SHANK2: variants seen among roughly 807,000 people sequenced by gnomAD.
The protein encoded by SHANK2 is SH3 and multiple ankyrin repeat domains 2.
A neutral mutation model predicts 133.7 loss-of-function variants in SHANK2; 43 were observed. The observed-to-expected ratio is 0.32, with a 90% CI of 0.25 to 0.41. The LOEUF (loss-of-function observed/expected upper bound fraction) is 0.41, where lower values mean the gene tolerates loss of function less well. Among genes scored for constraint, SHANK2 ranks in the 10% least tolerant of loss-of-function variants. The pLI is 1.00. For missense variants in SHANK2, 1,994 were observed against 2,235.8 expected (o/e 0.89, Z 2.18); for synonymous variants, 1,017 against 952.8 (o/e 1.07, Z -1.24).
chr11:70,554,229 A>G (rs2059802574), intron 17 of SHANK2, among the ~76,000 whole-genome samples: 2 of 152,190 alleles, frequency 1.3e-5, no homozygotes, highest in African/African-American at 4.8e-5. Flanking sequence ...CCACTTCTAG[A>G]ACATTCCATT....
At chr11:70,787,931 CT>C (rs1381657059) in intron 14 of SHANK2, among the ~76,000 whole-genome samples, 4 of 152,220 alleles carry the variant, frequency 2.6e-5, no homozygotes, top group Admixed American at 2.6e-4. Context: ...GCATGCCCCC[CT>C]CCCAAGTTTA....
chr11:70,675,607 C>T (rs528422229), intron 15 of SHANK2, among the ~76,000 whole-genome samples: 11 of 152,304 alleles, frequency 7.2e-5, no homozygotes, highest in East Asian at 1.9e-4. Flanking sequence ...TCAGGGGAGG[C>T]GTTGGTCCTA....
intron 6 of SHANK2, among the ~76,000 whole-genome samples, chr11:71,108,031 T>C (rs1555098268): frequency 6.6e-6 from 1 of 152,228 alleles, no homozygotes; most frequent in Non-Finnish European, 1.5e-5. Context: ...TAAGTGGCTC[T>C]GCCAGGGTGG....
At position 70,599,476 on chromosome 11, in the gene SHANK2, G is replaced by A. The variant is rs1432976713; in HGVS notation, c.2061+60352C>T. ...CAGAAAATTAGCCGGGCGAGGTGGC[G>A]GGCGCCTGTAGTCCCAGCTACTCGG... is the stretch of plus-strand genomic sequence containing the variant. On this transcript the variant is annotated intron_variant, in intron 17 of 25. Transcript: ENST00000601538. Among the ~76,000 whole-genome samples the A allele has an allele frequency of 2.2e-5, 3 of 135,370 alleles. 1 individual carries two copies. Among genetic ancestry groups the A allele is most frequent in the Non-Finnish European group, 3.2e-5 (2 of 62,356 alleles). The allele number at this position is 135,370 out of a possible 152,430, so 88.8% of individuals were successfully genotyped here.
intron 17 of SHANK2, among the ~76,000 whole-genome samples, chr11:70,516,026 T>C (rs2059262043): frequency 6.6e-6 from 1 of 152,202 alleles, no homozygotes; most frequent in South Asian, 2.1e-4. Flanking sequence ...TATTAGTTCA[T>C]CAAATGTCTG....
At chr11:70,918,017 GT>G (rs59714843) in intron 10 of SHANK2, among the ~76,000 whole-genome samples, 4,754 of 149,890 alleles carry the variant, frequency 0.032, 234 homozygotes, top group African/African-American at 0.11. Flanking sequence ...GAACTTAAAA[GT>G]TTTTTTTTTT....
intron 11 of SHANK2, among the ~76,000 whole-genome samples, chr11:70,850,575 T>C (rs1448938653): frequency 1.3e-5 from 2 of 152,140 alleles, no homozygotes; most frequent in Non-Finnish European, 2.9e-5. Context: ...GAGCCACGTG[T>C]CCTCACCATG....
At chr11:70,652,163 A>G (rs1555010288) in intron 17 of SHANK2, among the ~76,000 whole-genome samples, 1 of 152,254 alleles carries the variant, frequency 6.6e-6, no homozygotes, top group African/African-American at 2.4e-5. Flanking sequence ...AGAGAATTGT[A>G]CAGGCTGGTA....
intron 15 of SHANK2, among the ~76,000 whole-genome samples, chr11:70,694,935 C>A (rs1555021908): frequency 6.6e-6 from 1 of 152,168 alleles, no homozygotes; most frequent in Non-Finnish European, 1.5e-5. Context: ...CCCTGCCATG[C>A]TAATAGGTTC....
intron 2 of SHANK2, among the ~76,000 whole-genome samples, chr11:71,222,166 C>T (rs1398573973): frequency 2.7e-5 from 4 of 150,888 alleles, no homozygotes; most frequent in Admixed American, 6.6e-5. Flanking sequence ...TGCCTCCAGC[C>T]GAGGGGACTG....
intron 17 of SHANK2, among the ~76,000 whole-genome samples, chr11:70,605,380 C>G (rs1554992037): frequency 6.6e-6 from 1 of 152,222 alleles, no homozygotes; most frequent in African/African-American, 2.4e-5. Flanking sequence ...ACAGGCGCAC[C>G]CTCAGTGGCT....
rs200355225 is a variant in SHANK2 at position 70,804,227 on chromosome 11, T to C, written c.1663+2775A>G. ...GGGACAGAATTCCTCCAAACGGCCT[T>C]GGCTCTGCAGGCAGTGGATCGGCTC... On this transcript the variant is annotated intron_variant, in intron 13 of 25. Coordinates refer to ENST00000601538, the MANE Select transcript of SHANK2 (RefSeq NM_012309.5). This position sits in a 1 kb window ranked among gnomAD's most constrained non-coding sequence, Gnocchi z 4.1. Among the ~76,000 whole-genome samples, 703 of 152,284 alleles carry C rather than the reference T, an allele frequency of 4.6e-3. 8 individuals are homozygous for C. Among genetic ancestry groups the C allele is most frequent in the African/African-American group, 0.016 (670 of 41,554 alleles).
intron 11 of SHANK2, among the ~76,000 whole-genome samples, 178 bp from the exon 12 acceptor site, chr11:70,820,860 C>T (rs1223172599): frequency 1.4e-4 from 22 of 152,068 alleles, no homozygotes; most frequent in Admixed American, 1.3e-3. Flanking sequence ...CAGAACTCAC[C>T]CCTGACATGG....
In SHANK2 at chr11:70,805,357, G is replaced by A. The variant is rs529197228; in HGVS notation, c.1663+1645C>T. Among the ~76,000 whole-genome samples, 210 of 152,338 alleles carry A rather than the reference G, an allele frequency of 1.4e-3. 3 individuals are homozygous for A. Among genetic ancestry groups the A allele is most frequent in the African/African-American group, 4.8e-3 (200 of 41,578 alleles). On this transcript the variant is annotated intron_variant, in intron 13 of 25. Coordinates refer to ENST00000601538, the MANE Select transcript of SHANK2 (RefSeq NM_012309.5). ...TTCCTTGGCTCCCACTTGGGCCTAG[G>A]GGGTGGCCCTGAGTGTGCAGACCGG...
chr11:70,782,887 C>T (rs367625592), intron 14 of SHANK2, among the ~76,000 whole-genome samples: 4 of 152,180 alleles, frequency 2.6e-5, no homozygotes, highest in African/African-American at 9.7e-5. Flanking sequence ...GCTGGTGACA[C>T]GTGGGCACCA....
chr11:71,068,989 CA>C (rs1325692797), intron 9 of SHANK2, among the ~76,000 whole-genome samples: 1 of 151,578 alleles, frequency 6.6e-6, no homozygotes, highest in Non-Finnish European at 1.5e-5. Context: ...TCATCAGCAC[CA>C]TCACTATCAA....
intron 17 of SHANK2, among the ~76,000 whole-genome samples, chr11:70,637,680 C>A (rs192316438): frequency 1.3e-5 from 2 of 152,206 alleles, no homozygotes; most frequent in African/African-American, 4.8e-5. Flanking sequence ...GGCGCCCTGG[C>A]GAGGGGAGAC....
intron 2 of SHANK2, among the ~76,000 whole-genome samples, chr11:71,182,783 T>C (rs781911822): frequency 3.9e-5 from 6 of 152,186 alleles, no homozygotes; most frequent in South Asian, 2.1e-4. Context: ...ATGGAAGATA[T>C]GGTGTTTCCC....
chr11:70,678,091 A>G (rs1944939523), intron 15 of SHANK2, among the ~76,000 whole-genome samples: 1 of 151,958 alleles, frequency 6.6e-6, no homozygotes, highest in Non-Finnish European at 1.5e-5. Context: ...AATCTTCCCC[A>G]TTCTCCAGGA....
Sources: gnomAD v4.1 joint callset for allele counts (sites outside exome capture counted in the v4.1 genomes callset) on GRCh38, gnomAD v4.1.1 for gene constraint, Gnocchi (gnomAD v3.1) non-coding constraint, MANE v1.5 for transcripts, NCBI Gene and HGNC (gene_info 2026-07-23, HGNC 2026-07-21) for gene names.